The following TOGARAM1 variants were observed in gnomAD, a reference collection of about 807,000 sequenced individuals.
TOGARAM1 encodes the protein TOG array regulator of axonemal microtubules protein 1.
In TOGARAM1, 100 loss-of-function variants were observed where a neutral mutation model predicts 166.6. That is an observed-to-expected ratio of 0.60 (90% CI 0.51 to 0.71). The LOEUF (loss-of-function observed/expected upper bound fraction) is 0.71. TOGARAM1 is among the 30% of genes least tolerant of loss of function. The pLI is 0.00. For synonymous variants in TOGARAM1, 758 were observed against 763.8 expected (o/e 0.99, Z 0.13); for missense variants, 2,029 against 2,102.7 (o/e 0.96, Z 0.69).
In TOGARAM1 at chr14:45,073,694, C is replaced by T. The variant is rs534644355; in HGVS notation, c.*133C>T. 184 of 781,538 alleles carry T rather than the reference C, an allele frequency of 2.4e-4. No homozygotes were observed. In the South Asian group the frequency reaches 2.7e-3, roughly 11 times the overall value. The allele number at this position is 781,538 out of a possible 1,614,324, so 48.4% of individuals were successfully genotyped here. ...GTCAATGGCTATTTTTATTTGCAGC[C>T]TATGAGTACACATCTGTCCTATATC... On this transcript the variant is annotated 3_prime_UTR_variant, in exon 20 of 20. Coordinates refer to ENST00000361462, the MANE Select transcript of TOGARAM1 (RefSeq NM_001308120.2).
At chr14:44,988,024 A>C (rs1886934676) in intron 1 of TOGARAM1, among the ~76,000 whole-genome samples, 1 of 150,192 alleles carries the variant, frequency 6.7e-6, no homozygotes, top group Non-Finnish European at 1.5e-5. Context: ...CAAACATCAC[A>C]TGTTCTCACT....
intron 16 of TOGARAM1, among the ~76,000 whole-genome samples, chr14:45,062,058 A>G (rs1336738767): frequency 6.6e-6 from 1 of 152,156 alleles, no homozygotes; most frequent in African/African-American, 2.4e-5. Context: ...TGTGTTCTAT[A>G]TTACTGACTA....
At chr14:45,054,757 T>G (rs1401719930) in intron 16 of TOGARAM1, among the ~76,000 whole-genome samples, 1 of 152,222 alleles carries the variant, frequency 6.6e-6, no homozygotes, top group Admixed American at 6.5e-5. Context: ...CACTGGACAT[T>G]AGCAATGCTT....
chr14:45,015,018 A>G (rs986759895), intron 7 of TOGARAM1, among the ~76,000 whole-genome samples: 1 of 152,024 alleles, frequency 6.6e-6, no homozygotes, highest in Non-Finnish European at 1.5e-5. Context: ...TTAAAAGTCT[A>G]TTTCACTGGG....
At chr14:45,017,491 C>T (rs957169268) in intron 7 of TOGARAM1, among the ~76,000 whole-genome samples, 6 of 152,112 alleles carry the variant, frequency 3.9e-5, no homozygotes, top group Admixed American at 2.6e-4. Flanking sequence ...GGATTAATAA[C>T]TCCCAGATGC....
chr14:45,037,604 T>G (rs564823082), intron 11 of TOGARAM1, among the ~76,000 whole-genome samples: 1 of 152,256 alleles, frequency 6.6e-6, no homozygotes, highest in African/African-American at 2.4e-5. Context: ...TGATGTTTAT[T>G]TACCATATAA....
chr14:44,999,881 C>T (rs915073480), intron 3 of TOGARAM1, among the ~76,000 whole-genome samples: 1 of 152,144 alleles, frequency 6.6e-6, no homozygotes, highest in Non-Finnish European at 1.5e-5. Context: ...GGGAACATTA[C>T]AAATCTACTC....
chr14:45,011,785 ATG>A (rs113794576), intron 6 of TOGARAM1, 188 bp from the exon 7 acceptor site: 55,406 of 382,340 alleles, frequency 0.14, 609 homozygotes, highest in Non-Finnish European at 0.17. Context: ...CAAAATATAT[ATG>A]TGTGTGTGTG....
intron 2 of TOGARAM1, 81 bp from the exon 3 acceptor site, chr14:44,999,282 C>A: frequency 7.2e-7 from 1 of 1,382,712 alleles, no homozygotes; most frequent in Non-Finnish European, 9.7e-7. Flanking sequence ...CTAAATTACA[C>A]CAACATTTAT....
intron 19 of TOGARAM1, among the ~76,000 whole-genome samples, chr14:45,072,070 T>C (rs1883409704): frequency 6.6e-6 from 1 of 152,082 alleles, no homozygotes; most frequent in East Asian, 1.9e-4. Flanking sequence ...ACTTGGAAAA[T>C]TGAGTAACAA....
intron 18 of TOGARAM1, among the ~76,000 whole-genome samples, chr14:45,071,444 C>T (rs1465797267): frequency 1.3e-5 from 2 of 152,042 alleles, no homozygotes; most frequent in East Asian, 3.9e-4. Context: ...GGTTGGGGTG[C>T]AGTGGCACAA....
intron 13 of TOGARAM1, among the ~76,000 whole-genome samples, chr14:45,045,202 G>GT (rs1881927046): frequency 6.6e-6 from 1 of 151,658 alleles, no homozygotes; most frequent in Admixed American, 6.6e-5. Context: ...GGTACAAGTG[G>GT]TTTTTTGTTA....
intron 3 of TOGARAM1, among the ~76,000 whole-genome samples, chr14:45,001,977 A>G (rs1189803986): frequency 6.6e-6 from 1 of 152,158 alleles, no homozygotes; most frequent in Non-Finnish European, 1.5e-5. Flanking sequence ...CAAATTAAGT[A>G]TTTCTTTAGG....
At chr14:45,051,959 A>G (rs575121704) in intron 14 of TOGARAM1, among the ~76,000 whole-genome samples, 1 of 152,174 alleles carries the variant, frequency 6.6e-6, no homozygotes, top group Non-Finnish European at 1.5e-5. Flanking sequence ...CTAACCTACC[A>G]AACATCATAA....
chr14:44,963,485 T>C lies in TOGARAM1; in HGVS notation c.1064T>C (p.Leu355Pro). 1 of 1,614,228 alleles carries C rather than the reference T, an allele frequency of 6.2e-7. No homozygotes were observed. Among genetic ancestry groups the C allele is most frequent in the Non-Finnish European group, 8.5e-7 (1 of 1,180,042 alleles). ...NLKFGIIPQE[L>P]HSRLLDQEDY... ...AAATTTGGGATTATTCCTCAGGAGC[T>C]GCATTCACGATTATTGGATCAGGAA... The change falls in exon 1 of 20, where the codon CTG (leucine) becomes CCG (proline). Residue 355 changes from leucine to proline, a missense_variant. By Grantham distance (98) the Leu-to-Pro change is moderately conservative. Coordinates refer to ENST00000361462, the MANE Select transcript of TOGARAM1 (RefSeq NM_001308120.2).
rs776832508 is a variant in TOGARAM1 at position 44,963,658 on chromosome 14, G to A, written c.1237G>A (p.Gly413Ser). ...CGATTCTAACTTCAAAGTGGTGCAT[G>A]GCACACTTGAAGTCCTGCATTTACT... Reference protein sequence around the residue: ...LDDSNFKVVHGTLEVLHLLVI... With the variant: ...LDDSNFKVVHSTLEVLHLLVI... Residue 413 changes from glycine to serine, a missense_variant, in exon 1 of 20, where the codon GGC (glycine) becomes AGC (serine). Gly to Ser is a moderately conservative substitution (Grantham distance 56, BLOSUM62 0). Around this residue, in one of 2 missense-constraint regions of TOGARAM1, gnomAD observed 1,453 missense variants for 1,432.2 expected, o/e 1.01. Transcript: ENST00000361462. 23 of 1,613,302 alleles carry A rather than the reference G, an allele frequency of 1.4e-5. No homozygotes were observed. The highest frequency in any genetic ancestry group is 1.9e-5 in the Non-Finnish European group (22 of 1,180,026).
intron 6 of TOGARAM1, 93 bp downstream of exon 6, chr14:45,009,238 AT>A: frequency 2.2e-6 from 2 of 914,422 alleles, no homozygotes; most frequent in South Asian, 3.6e-5. Flanking sequence ...AAAACCATTT[AT>A]GTTTTAGTTT....
At chr14:45,029,854 C>T (rs1881058380) in intron 10 of TOGARAM1, among the ~76,000 whole-genome samples, 1 of 152,030 alleles carries the variant, frequency 6.6e-6, no homozygotes, top group Admixed American at 6.6e-5. Context: ...TGGAGTTTTG[C>T]TCTGTCGCCC....
intron 1 of TOGARAM1, among the ~76,000 whole-genome samples, chr14:44,970,345 G>T (rs1415426446): frequency 6.6e-6 from 1 of 152,022 alleles, no homozygotes; most frequent in African/African-American, 2.4e-5. Flanking sequence ...CTTGTTCATT[G>T]CTGGTATAGA....
Sources: gnomAD v4.1 joint callset for allele counts (sites outside exome capture counted in the v4.1 genomes callset) on GRCh38, gnomAD v4.1.1 for gene constraint, gnomAD v4.1.1 regional missense constraint, MANE v1.5 for transcripts, NCBI Gene and HGNC (gene_info 2026-07-23, HGNC 2026-07-21) for gene names.